Variants in NXPE1 observed in about 807,000 individuals in gnomAD.
NXPE1 encodes NXPE family member 1.
NXPE1 carries 31 observed loss-of-function variants against 33.3 expected under a neutral mutation model. That is an observed-to-expected ratio of 0.93 (90% CI 0.70 to 1.26). The LOEUF (loss-of-function observed/expected upper bound fraction) is 1.26, where lower values mean the gene tolerates loss of function less well. Among genes scored for constraint, NXPE1 ranks in the 50% most tolerant of loss-of-function variants. The pLI, the probability that NXPE1 is intolerant of heterozygous loss-of-function variation, is 0.00. For synonymous variants in NXPE1, 229 were observed against 231.4 expected, an observed-to-expected ratio of 0.99 and a Z score of 0.09; for missense variants, 661 against 655.6, an observed-to-expected ratio of 1.01 and a Z score of -0.09.
At chr11:114,524,451 A>G (rs1467421654) in intron 7 of NXPE1, among the ~76,000 whole-genome samples, 1 of 152,192 alleles carries the variant, frequency 6.6e-6, no homozygotes, top group Non-Finnish European at 1.5e-5. Flanking sequence ...ACAAAGTGGT[A>G]AAATGGTGCT....
chr11:114,524,139 G>A (rs1005336160), intron 7 of NXPE1, among the ~76,000 whole-genome samples: 1 of 152,162 alleles, frequency 6.6e-6, no homozygotes, highest in Non-Finnish European at 1.5e-5. Flanking sequence ...AGTAGTAAGG[G>A]AAGAAATGGA....
intron 5 of NXPE1, among the ~76,000 whole-genome samples, chr11:114,544,184 C>A (rs1348236392): frequency 2.0e-5 from 3 of 152,044 alleles, no homozygotes; most frequent in African/African-American, 4.8e-5. Context: ...GATTCAATAC[C>A]ATTTCAATAA....
downstream of NXPE1, among the ~76,000 whole-genome samples, chr11:114,521,401 G>C (rs1947208248): frequency 6.6e-6 from 1 of 151,988 alleles, no homozygotes. Context: ...GACTCCTTTG[G>C]GTTACCTCCT....
At chr11:114,522,730 G>A (rs1947252426) in intron 8 of NXPE1, 149 bp downstream of exon 8, 1 of 675,860 alleles carries the variant, frequency 1.5e-6, no homozygotes, top group Admixed American at 3.0e-5. Context: ...ATGAAAGAAG[G>A]AATAAAATAC....
intron 5 of NXPE1, among the ~76,000 whole-genome samples, chr11:114,537,134 A>C (rs1231749121): frequency 6.6e-6 from 1 of 152,236 alleles, no homozygotes; most frequent in Non-Finnish European, 1.5e-5. Flanking sequence ...ACATATGCAA[A>C]TCAATAAATG....
chr11:114,534,677 G>A lies in NXPE1; in HGVS notation c.100-3769C>T, dbSNP rs565307723. Among the ~76,000 whole-genome samples, 46 of 152,322 alleles carry A rather than the reference G, an allele frequency of 3.0e-4. 1 individual carries two copies. Among genetic ancestry groups the A allele is most frequent in the African/African-American group, 8.4e-4 (35 of 41,564 alleles). ...AACCGATGTGATCAACTGGAAGAAA[G>A]GGTATCAGTGATGGAAGACGAAATG... On this transcript the variant is annotated intron_variant, in intron 5 of 8. Transcript: ENST00000534921.
chr11:114,520,004 C>T (rs1358664072), downstream of NXPE1, among the ~76,000 whole-genome samples: 2 of 151,758 alleles, frequency 1.3e-5, no homozygotes, highest in East Asian at 1.9e-4. Context: ...TTAGTAAAGA[C>T]GGGGTTTCAC....
intron 1 of NXPE1, among the ~76,000 whole-genome samples, chr11:114,558,645 C>G (rs1948711809): frequency 6.6e-6 from 1 of 152,134 alleles, no homozygotes; most frequent in African/African-American, 2.4e-5. Flanking sequence ...TTTTCTAAAG[C>G]TAAACAATCC....
At chr11:114,527,620 T>C (rs1947410256) in intron 7 of NXPE1, among the ~76,000 whole-genome samples, 1 of 152,220 alleles carries the variant, frequency 6.6e-6, no homozygotes, top group South Asian at 2.1e-4. Context: ...AACACGAATG[T>C]AGATACTAAT....
chr11:114,542,565 G>A (rs1260334307), intron 5 of NXPE1, among the ~76,000 whole-genome samples: 2 of 152,106 alleles, frequency 1.3e-5, no homozygotes, highest in Admixed American at 6.6e-5. Context: ...AAAAATTGGT[G>A]GGGGAGTGGG....
chr11:114,546,013 TA>T (rs1392073585), intron 5 of NXPE1, among the ~76,000 whole-genome samples: 1 of 151,942 alleles, frequency 6.6e-6, no homozygotes, highest in East Asian at 1.9e-4. Flanking sequence ...GTATGCAAAA[TA>T]AAAAAATCAA....
chr11:114,550,414 A>T (rs1948436631), intron 5 of NXPE1, among the ~76,000 whole-genome samples: 1 of 152,088 alleles, frequency 6.6e-6, no homozygotes, highest in African/African-American at 2.4e-5. Context: ...TCAGAAATAG[A>T]CCTCATTATA....
intron 6 of NXPE1, chr11:114,529,033 C>A: frequency 2.5e-6 from 1 of 406,640 alleles, no homozygotes. Context: ...AGGTAAGATT[C>A]TGGAATGCAT....
At chr11:114,535,377 C>T (rs113047707) in intron 5 of NXPE1, among the ~76,000 whole-genome samples, 84 of 152,220 alleles carry the variant, frequency 5.5e-4, no homozygotes, top group African/African-American at 1.9e-3. Flanking sequence ...CATCAACTAA[C>T]GAGCAAAATA....
downstream of NXPE1, among the ~76,000 whole-genome samples, chr11:114,519,968 T>TCGCCTCCCGGGTTCACGCTATTTTCC (rs1356498370): frequency 8.5e-6 from 1 of 117,234 alleles, no homozygotes; most frequent in African/African-American, 4.5e-5. Context: ...CTCGGCGAGC[T>TCGCCTCCCGGGTTCACGCTATTTTCC]TGCCCGCTAA....
intron 5 of NXPE1, among the ~76,000 whole-genome samples, chr11:114,534,877 A>G (rs548110671): frequency 4.1e-4 from 63 of 152,358 alleles, no homozygotes; most frequent in African/African-American, 1.4e-3. Flanking sequence ...ATCCAGGAGA[A>G]CTTCCCCAAT....
At chr11:114,553,576 C>T (rs1948576170) in intron 1 of NXPE1, 1 of 312,498 alleles carries the variant, frequency 3.2e-6, no homozygotes, top group Non-Finnish European at 4.7e-6. Flanking sequence ...CTATTTTCTA[C>T]TTGGAACCCT....
intron 5 of NXPE1, among the ~76,000 whole-genome samples, chr11:114,544,096 A>G (rs939680711): frequency 2.0e-5 from 3 of 152,190 alleles, no homozygotes; most frequent in African/African-American, 7.2e-5. Context: ...ATCTAAATAA[A>G]TGGAGAGAGA....
chr11:114,541,819 A>C (rs937477124), intron 5 of NXPE1, among the ~76,000 whole-genome samples: 1 of 152,244 alleles, frequency 6.6e-6, no homozygotes, highest in Non-Finnish European at 1.5e-5. Context: ...CAAATTTTAC[A>C]AAAGAACCAA....
Sources: gnomAD v4.1 joint callset for allele counts (sites outside exome capture counted in the v4.1 genomes callset) on GRCh38, gnomAD v4.1.1 for gene constraint, MANE v1.5 for transcripts, NCBI Gene and HGNC (gene_info 2026-07-23, HGNC 2026-07-21) for gene names.